ADCYAP1: variants seen among roughly 807,000 people sequenced by gnomAD.
ADCYAP1 encodes the protein adenylate cyclase activating polypeptide 1, also known as pituitary adenylate cyclase-activating polypeptide.
ADCYAP1 carries 6 observed loss-of-function variants against 18.5 expected under a neutral mutation model. That is an observed-to-expected ratio of 0.32 (90% CI 0.18 to 0.64). ADCYAP1 has a LOEUF of 0.64. ADCYAP1 is among the 30% of genes least tolerant of loss of function. ADCYAP1 has a pLI of 0.77. For synonymous variants in ADCYAP1, 136 were observed against 113.9 expected (o/e 1.19, Z -1.24); for missense variants, 314 against 253.6 (o/e 1.24, Z -1.62).
intron 1 of ADCYAP1, 32 bp from the exon 2 acceptor site, chr18:905,354 C>T: frequency 6.2e-7 from 1 of 1,609,830 alleles, no homozygotes; most frequent in Non-Finnish European, 8.5e-7. Flanking sequence ...GGCGTTCTCA[C>T]AGCTGTGTGT....
At chr18:904,584 G>C, upstream of ADCYAP1, 1 of 1,286,796 alleles carries the variant, frequency 7.8e-7, no homozygotes, top group Non-Finnish European at 1.0e-6. Flanking sequence ...CAGCCGGAGA[G>C]ACCTCGGAGC....
chr18:907,964 G>A (rs901811426), intron 3 of ADCYAP1, 174 bp downstream of exon 3: 69 of 1,251,782 alleles, frequency 5.5e-5, no homozygotes, highest in Admixed American at 1.3e-4. Context: ...GCAGCGGGCG[G>A]GTCTGTGTGG....
chr18:908,577 G>A (rs922569717), intron 4 of ADCYAP1, among the ~76,000 whole-genome samples: 2 of 152,230 alleles, frequency 1.3e-5, no homozygotes, highest in African/African-American at 4.8e-5. Flanking sequence ...GGGAACGCGA[G>A]CCAGGGAGTT....
At chr18:905,776 A>G (rs1375022186) in intron 2 of ADCYAP1, 7 of 486,198 alleles carry the variant, frequency 1.4e-5, no homozygotes. Flanking sequence ...CCCCTCCCCC[A>G]ACCCGGCCCA....
upstream of ADCYAP1, chr18:904,531 C>T (rs1598981360): frequency 7.8e-7 from 1 of 1,289,194 alleles, no homozygotes; most frequent in African/African-American, 1.5e-5. Flanking sequence ...CCGGTCACCT[C>T]TGTAACCAGC....
rs1313238337 is a variant in ADCYAP1, at chr18:908,399, G to C, written c.341+36G>C. On this transcript the variant is annotated intron_variant, in intron 4 of 4. Transcript: ENST00000450565. ...GTGGAAGGATTAACCTGCGCGCGCCGGGGTGGGTGCCTGTGCGGGGCGCGC... is the reference window on the plus strand; with the variant it reads ...GTGGAAGGATTAACCTGCGCGCGCCCGGGTGGGTGCCTGTGCGGGGCGCGC... The C allele has an allele frequency of 5.1e-6, 8 of 1,579,766 alleles. No individual in the cohort carries two copies. In the South Asian group the frequency reaches 6.7e-5, roughly 13 times the overall value.
In ADCYAP1 at chr18:909,454, TCGG is replaced by T. The variant is rs1430662505; in HGVS notation, c.359_361del (p.Gly120del). The T allele has an allele frequency of 1.2e-6, 2 of 1,611,406 alleles. No homozygotes were observed. Among genetic ancestry groups the T allele is most frequent in the Non-Finnish European group, 1.7e-6 (2 of 1,179,372 alleles). ...GACCCCTTTGCTTGCAGTGGGAGCC[TCGG>T]CGGCGGCGCGGGGGACGACGCGGAG... On this transcript the variant is annotated inframe_deletion, in exon 5 of 5. Transcript: ENST00000450565.
intron 2 of ADCYAP1, chr18:905,725 T>C (rs1203244296): frequency 3.5e-6 from 2 of 573,574 alleles, no homozygotes; most frequent in South Asian, 2.2e-5. Context: ...CAGCTCAGGG[T>C]CCCGGGTAGA....
intron 4 of ADCYAP1, 38 bp from the exon 5 acceptor site, chr18:909,408 C>T (rs1473372986): frequency 1.3e-6 from 2 of 1,584,616 alleles, no homozygotes; most frequent in Non-Finnish European, 1.7e-6. Context: ...CCTGTGTCTC[C>T]CGCCCCGCCA....
chr18:909,196 G>T (rs1372605048), intron 4 of ADCYAP1, among the ~76,000 whole-genome samples: 1 of 152,244 alleles, frequency 6.6e-6, no homozygotes, highest in Non-Finnish European at 1.5e-5. Flanking sequence ...CGCCTGCCCG[G>T]ATCTTATCCC....
intron 4 of ADCYAP1, 64 bp from the exon 5 acceptor site, chr18:909,382 C>T (rs1909298359): frequency 6.6e-7 from 1 of 1,515,856 alleles, no homozygotes; most frequent in Non-Finnish European, 8.9e-7. Flanking sequence ...CCCGCCTGCT[C>T]CCCGCGGCGA....
At chr18:904,477 C>G (rs1259030493), upstream of ADCYAP1, 18 of 1,289,128 alleles carry the variant, frequency 1.4e-5, no homozygotes, top group Non-Finnish European at 1.8e-5. Context: ...AAACCATGTT[C>G]GGATAGATTT....
At chr18:904,463 C>G (rs745880059), upstream of ADCYAP1, 2 of 1,288,992 alleles carry the variant, frequency 1.6e-6, no homozygotes, top group Admixed American at 4.6e-5. Context: ...AGAGGGCTCT[C>G]CAAAAACCAT....
At chr18:904,854 T>C (rs749401306), upstream of ADCYAP1, 68 of 1,286,426 alleles carry the variant, frequency 5.3e-5, no homozygotes, top group South Asian at 3.0e-4. Context: ...GTTCTGCGCG[T>C]CTACAAACTT....
At position 912,059 on chromosome 18, in the gene ADCYAP1, T is replaced by C. The variant is rs1212422265; in HGVS notation, c.*2424T>C. ...CTCTTATTTTGTGTGCAACTGATTATAAAAACACCTTAACCAAGTATTATT... is the reference window on the plus strand; with the variant it reads ...CTCTTATTTTGTGTGCAACTGATTACAAAAACACCTTAACCAAGTATTATT... On this transcript the variant is annotated 3_prime_UTR_variant, in exon 5 of 5. Transcript: ENST00000450565. 6.6e-6 allele frequency: 1 copy of C among 152,230 alleles called. No individual in the cohort carries two copies. Among genetic ancestry groups the C allele is most frequent in the African/African-American group, 2.4e-5 (1 of 41,466 alleles). 9.4% of individuals were successfully genotyped at this position (152,230 alleles called of 1,614,324 possible).
At position 909,727 on chromosome 18, in the gene ADCYAP1, A is replaced by T; in HGVS notation, c.*92A>T. The T allele has an allele frequency of 1.8e-6, 2 of 1,129,226 alleles. No homozygotes were observed. The highest frequency in any genetic ancestry group is 2.5e-6 in the Non-Finnish European group (2 of 796,884). The allele number at this position is 1,129,226 out of a possible 1,614,324, so 70.0% of individuals were successfully genotyped here. Reference sequence around the variant, plus strand: ...TCAACAGTCATCGCTCGTGTGTTCTATCCAAACATGTATTTATGTAATGAA... The same window carrying T: ...TCAACAGTCATCGCTCGTGTGTTCTTTCCAAACATGTATTTATGTAATGAA... On this transcript the variant is annotated 3_prime_UTR_variant, in exon 5 of 5. Coordinates refer to ENST00000450565, the MANE Select transcript of ADCYAP1 (RefSeq NM_001099733.2).
upstream of ADCYAP1, chr18:904,479 G>C (rs925700533): frequency 1.1e-5 from 14 of 1,289,166 alleles, no homozygotes; most frequent in Non-Finnish European, 1.4e-5. Context: ...ACCATGTTCG[G>C]ATAGATTTTT....
rs1158496291 is a variant in ADCYAP1 at position 911,407 on chromosome 18, TGAAGAA to T, written c.*1779_*1784del. 6.8e-6 allele frequency: 1 copy of T among 146,648 alleles called. No individual in the cohort carries two copies. The highest frequency in any genetic ancestry group is 1.5e-5 in the Non-Finnish European group (1 of 66,768). The allele number at this position is 146,648 out of a possible 1,614,324, so 9.1% of individuals were successfully genotyped here. A position where few individuals can be genotyped will look rare whatever the true frequency, so the allele number is the denominator to read the frequency against. ...TTTTTTATGTTTTGAAAAAAGAAGATGAAGAAGAAGAAAAAAAAAAGAACAAGGAAA... is the reference window on the plus strand; with the variant it reads ...TTTTTTATGTTTTGAAAAAAGAAGATGAAGAAAAAAAAAAGAACAAGGAAA... On this transcript the variant is annotated 3_prime_UTR_variant, in exon 5 of 5. Coordinates refer to ENST00000450565, the MANE Select transcript of ADCYAP1 (RefSeq NM_001099733.2).
In ADCYAP1 at chr18:905,022, C is replaced by G. The variant is rs1192916308; in HGVS notation, c.-40C>G. The G allele has an allele frequency of 7.7e-7, 1 of 1,296,728 alleles. No individual in the cohort carries two copies. The highest frequency in any genetic ancestry group is 1.0e-6 in the Non-Finnish European group (1 of 993,888). The allele number at this position is 1,296,728 out of a possible 1,614,324, so 80.3% of individuals were successfully genotyped here. On this transcript the variant is annotated 5_prime_UTR_variant, in exon 1 of 5. Transcript: ENST00000450565. ...TTGAAGAAGCGCTTTGCCCGCCGTCCTACCTGGCAGCTCTCCTGGCAGCGG... is the reference window on the plus strand; with the variant it reads ...TTGAAGAAGCGCTTTGCCCGCCGTCGTACCTGGCAGCTCTCCTGGCAGCGG...
Sources: allele counts gnomAD v4.1 joint callset (sites outside exome capture counted in the v4.1 genomes callset), GRCh38; gene constraint gnomAD v4.1.1; transcripts MANE v1.5; gene names NCBI Gene and HGNC (gene_info 2026-07-23, HGNC 2026-07-21).